SGCD: variants seen among roughly 807,000 people sequenced by gnomAD.
SGCD encodes delta-sarcoglycan.
A neutral mutation model predicts 36.6 loss-of-function variants in SGCD; 18 were observed. That is an observed-to-expected ratio of 0.49 (90% CI 0.34 to 0.73). The LOEUF is 0.73. Among genes scored for constraint, SGCD ranks in the 30% least tolerant of loss-of-function variants. SGCD has a pLI of 0.01. For missense variants in SGCD, 387 were observed against 346.7 expected (o/e 1.12, Z -0.92); for synonymous variants, 133 against 130.6 (o/e 1.02, Z -0.12).
chr5:156,012,652 G>C (rs1758884562), intron 1 of SGCD, among the ~76,000 whole-genome samples: 1 of 149,962 alleles, frequency 6.7e-6, no homozygotes, highest in Admixed American at 6.7e-5. Context: ...TCGCTCTGTG[G>C]CCCAAGCTGG....
chr5:156,115,252 G>A (rs967439958), intron 1 of SGCD, among the ~76,000 whole-genome samples: 1 of 152,046 alleles, frequency 6.6e-6, no homozygotes, highest in Non-Finnish European at 1.5e-5. Context: ...CTGAGAGGAG[G>A]ACTATTAGGA....
chr5:155,803,055 G>A, the SGCD span, among the ~76,000 whole-genome samples: 85 of 152,272 alleles, frequency 5.6e-4, no homozygotes, highest in Non-Finnish European at 1.1e-3. Context: ...GGCCACACAA[G>A]CAATGGGAAA....
intron 3 of SGCD, among the ~76,000 whole-genome samples, chr5:156,363,027 A>G (rs1388021676): frequency 6.6e-6 from 1 of 151,614 alleles, no homozygotes; most frequent in African/African-American, 2.4e-5. Flanking sequence ...TCTAAAATCT[A>G]TGATTTTACC....
intron 1 of SGCD, among the ~76,000 whole-genome samples, chr5:156,328,393 G>A (rs1767912066): frequency 6.6e-6 from 1 of 152,196 alleles, no homozygotes; most frequent in South Asian, 2.1e-4. Flanking sequence ...ATGAATGAAT[G>A]GAATCTTGGA....
chr5:155,810,795 C>CTTTT, the SGCD span, among the ~76,000 whole-genome samples: 25 of 35,334 alleles, frequency 7.1e-4, 8 homozygotes, highest in Non-Finnish European at 8.4e-4. Context: ...TTAGTGTCTG[C>CTTTT]TTTTTTTTTT....
intron 4 of SGCD, among the ~76,000 whole-genome samples, chr5:156,572,707 T>C (rs1051662442): frequency 6.6e-6 from 1 of 152,194 alleles, no homozygotes; most frequent in African/African-American, 2.4e-5. Flanking sequence ...ATATTCTCTT[T>C]GTGGGACAGA....
At chr5:155,905,045 T>C (rs1756471967) in intron 1 of SGCD, among the ~76,000 whole-genome samples, 1 of 152,200 alleles carries the variant, frequency 6.6e-6, no homozygotes, top group South Asian at 2.1e-4. Context: ...AACATAACAG[T>C]ATCTTCCCTG....
At chr5:156,718,318 A>G (rs1373825268) in intron 7 of SGCD, among the ~76,000 whole-genome samples, 1 of 152,208 alleles carries the variant, frequency 6.6e-6, no homozygotes, top group African/African-American at 2.4e-5. Flanking sequence ...CAGATGAGTC[A>G]GAAAATAGTA....
intron 3 of SGCD, among the ~76,000 whole-genome samples, chr5:156,201,710 A>G (rs1764155240): frequency 6.9e-6 from 1 of 144,618 alleles, no homozygotes; most frequent in South Asian, 2.2e-4. Flanking sequence ...GGACAAGCCC[A>G]TAATTCCCTA....
chr5:156,667,308 TA>T (rs1288726826), intron 7 of SGCD, among the ~76,000 whole-genome samples: 2 of 152,180 alleles, frequency 1.3e-5, no homozygotes, highest in African/African-American at 4.8e-5. Context: ...TTCTTAGCTG[TA>T]GGTACTTGGT....
chr5:156,723,641 AG>A (rs1755621645), intron 7 of SGCD, among the ~76,000 whole-genome samples: 1 of 152,214 alleles, frequency 6.6e-6, no homozygotes, highest in East Asian at 1.9e-4. Context: ...GCCTCCCCTG[AG>A]GGGGTGATGC....
At chr5:156,594,909 C>G (rs1324993734) in intron 5 of SGCD, 23 bp from the exon 6 acceptor site, 3 of 1,517,860 alleles carry the variant, frequency 2.0e-6, no homozygotes, top group Non-Finnish European at 2.7e-6. Flanking sequence ...CTCTCTATCT[C>G]TCTATCTCTC....
chr5:156,027,414 A>G (rs1759246772), intron 1 of SGCD, among the ~76,000 whole-genome samples: 1 of 152,204 alleles, frequency 6.6e-6, no homozygotes, highest in South Asian at 2.1e-4. Context: ...GACAAACAAA[A>G]TGGAATAATG....
intron 3 of SGCD, among the ~76,000 whole-genome samples, chr5:156,494,128 G>A (rs1453640857): frequency 6.6e-6 from 1 of 152,078 alleles, no homozygotes; most frequent in African/African-American, 2.4e-5. Flanking sequence ...GATGGATGGG[G>A]CCAGCAGTCA....
intron 3 of SGCD, among the ~76,000 whole-genome samples, chr5:156,350,949 A>G (rs937595304): frequency 2.6e-5 from 4 of 152,134 alleles, no homozygotes; most frequent in Non-Finnish European, 5.9e-5. Flanking sequence ...TCCTGTCTCA[A>G]CCTTTCCACT....
At chr5:156,264,646 T>C (rs1765955911) in intron 3 of SGCD, among the ~76,000 whole-genome samples, 1 of 152,060 alleles carries the variant, frequency 6.6e-6, no homozygotes, top group South Asian at 2.1e-4. Flanking sequence ...AATTAGATAA[T>C]GCATTAGAAA....
At chr5:156,230,014 G>T (rs1262195690) in intron 3 of SGCD, among the ~76,000 whole-genome samples, 1 of 152,100 alleles carries the variant, frequency 6.6e-6, no homozygotes, top group Non-Finnish European at 1.5e-5. Flanking sequence ...CTGAAGTTTT[G>T]ATTGTCTTTT....
At chr5:156,236,639 G>A (rs1765171355) in intron 3 of SGCD, among the ~76,000 whole-genome samples, 1 of 151,634 alleles carries the variant, frequency 6.6e-6, no homozygotes, top group South Asian at 2.1e-4. Flanking sequence ...TAGTAGAGAT[G>A]GGGTTTCACC....
At chr5:155,862,996 T>C in the SGCD span, among the ~76,000 whole-genome samples, 1 of 152,186 alleles carries the variant, frequency 6.6e-6, no homozygotes, top group African/African-American at 2.4e-5. Context: ...TTTTAGGAAA[T>C]GTTATCAGAG....
Sources: allele counts gnomAD v4.1 joint callset (sites outside exome capture counted in the v4.1 genomes callset), GRCh38; gene constraint gnomAD v4.1.1; transcripts MANE v1.5; gene names NCBI Gene and HGNC (gene_info 2026-07-23, HGNC 2026-07-21).